The following TRIM24 variants were observed in gnomAD, a reference collection of about 807,000 sequenced individuals.
TRIM24 encodes the protein tripartite motif containing 24.
In TRIM24, 29 loss-of-function variants were observed where a neutral mutation model predicts 123.9. The ratio of observed to expected loss-of-function variants is 0.23; its 90% CI spans 0.17 to 0.32. The LOEUF is 0.32. Ranked by LOEUF, TRIM24 falls within the 10% of genes least tolerant of loss-of-function variation. TRIM24 has a pLI of 1.00. For synonymous variants in TRIM24, 456 were observed against 461.1 expected (o/e 0.99, Z 0.14); for missense variants, 932 against 1,295.3 (o/e 0.72, Z 4.31).
chr7:138,479,715 T>G (rs1257612043), intron 1 of TRIM24, among the ~76,000 whole-genome samples: 1 of 151,048 alleles, frequency 6.6e-6, no homozygotes, highest in Non-Finnish European at 1.5e-5. Context: ...TCCATGTTGG[T>G]CAGGCTGGTC....
intron 1 of TRIM24, among the ~76,000 whole-genome samples, chr7:138,474,517 G>T (rs868104862): frequency 6.6e-5 from 10 of 152,068 alleles, no homozygotes; most frequent in African/African-American, 9.7e-5. Context: ...ATTCTTTTGT[G>T]CCATATTTAA....
intron 8 of TRIM24, among the ~76,000 whole-genome samples, chr7:138,552,271 A>G (rs1012001711): frequency 2.6e-5 from 4 of 152,212 alleles, no homozygotes; most frequent in Non-Finnish European, 5.9e-5. Context: ...TGACACATTT[A>G]TCAGAACATA....
At chr7:138,577,341 G>A in intron 13 of TRIM24, 79 bp from the exon 14 acceptor site, 1 of 1,178,418 alleles carries the variant, frequency 8.5e-7, no homozygotes, top group Non-Finnish European at 1.2e-6. Flanking sequence ...CAGTATTTTA[G>A]AAAGTTGTTG....
intron 6 of TRIM24, among the ~76,000 whole-genome samples, chr7:138,537,265 C>T (rs1796900640): frequency 1.3e-5 from 2 of 151,950 alleles, no homozygotes; most frequent in Admixed American, 1.3e-4. Flanking sequence ...GAACCCGGTA[C>T]CTCAGTTGGA....
chr7:138,529,071 T>C, intron 5 of TRIM24, 45 bp from the exon 6 acceptor site: 1 of 1,212,152 alleles, frequency 8.2e-7, no homozygotes, highest in Non-Finnish European at 1.1e-6. Context: ...TTTTAAATAT[T>C]ATACAAAAAA....
intron 4 of TRIM24, 150 bp from the exon 5 acceptor site, chr7:138,525,091 A>C: frequency 2.6e-6 from 1 of 388,796 alleles, no homozygotes; most frequent in Admixed American, 4.7e-5. Context: ...AGGTGAGGGA[A>C]ACTTGCCTTA....
intron 7 of TRIM24, among the ~76,000 whole-genome samples, chr7:138,539,445 T>C (rs1406150614): frequency 6.6e-6 from 1 of 152,160 alleles, no homozygotes; most frequent in Non-Finnish European, 1.5e-5. Context: ...TCAGGAGATC[T>C]GGGGTGGGGC....
chr7:138,518,028 C>T (rs1294296914), intron 3 of TRIM24, among the ~76,000 whole-genome samples: 2 of 152,052 alleles, frequency 1.3e-5, no homozygotes, highest in African/African-American at 2.4e-5. Context: ...AATTCCACCA[C>T]GAGGAATTTA....
intron 1 of TRIM24, among the ~76,000 whole-genome samples, 157 bp from the exon 2 acceptor site, chr7:138,504,133 T>C (rs118129921): frequency 0.038 from 5,812 of 152,306 alleles, 151 homozygotes; most frequent in Middle Eastern, 0.088. Context: ...ATAGATAAAA[T>C]TAGTATATTT....
chr7:138,515,892 C>T (rs1427244480), intron 3 of TRIM24, among the ~76,000 whole-genome samples: 1 of 152,182 alleles, frequency 6.6e-6, no homozygotes, highest in African/African-American at 2.4e-5. Flanking sequence ...ATTTTAACTA[C>T]TAAATGTACA....
chr7:138,567,399 TA>T, intron 9 of TRIM24, 81 bp from the exon 10 acceptor site: 1 of 1,344,752 alleles, frequency 7.4e-7, no homozygotes, highest in Non-Finnish European at 1.0e-6. Context: ...TATTTTTCTG[TA>T]AAAGTTTTAT....
At chr7:138,500,563 CAAAAAAAAA>C (rs773042715) in intron 1 of TRIM24, among the ~76,000 whole-genome samples, 6 of 61,436 alleles carry the variant, frequency 9.8e-5, no homozygotes, top group African/African-American at 1.7e-4. Context: ...GACCTTGTTT[CAAAAAAAAA>C]AAAAAAAAAA....
At position 138,555,482 on chromosome 7, in the gene TRIM24, AT is replaced by A. The variant is rs1203577540; in HGVS notation, c.1530+534del. ...CCGTTCTTATTTTTACTATAATCCAATTTTTTTTTTTTTTTTTTGAGATGGA... is the reference window on the plus strand; with the variant it reads ...CCGTTCTTATTTTTACTATAATCCAATTTTTTTTTTTTTTTTTGAGATGGA... On this transcript the variant is annotated intron_variant, in intron 9 of 18. Transcript: ENST00000343526. Among the ~76,000 whole-genome samples, 952 of 138,478 alleles carry A rather than the reference AT, an allele frequency of 6.9e-3. 5 individuals are homozygous for A. Among genetic ancestry groups the A allele is most frequent in the African/African-American group, 9.7e-3 (364 of 37,610 alleles). The allele number at this position is 138,478 out of a possible 152,430, so 90.8% of individuals were successfully genotyped here.
At position 138,586,049 on chromosome 7, in the gene TRIM24, A is replaced by G. The variant is rs1798013146; in HGVS notation, c.*1098A>G. On this transcript the variant is annotated 3_prime_UTR_variant, in exon 19 of 19. Coordinates refer to ENST00000343526, the MANE Select transcript of TRIM24 (RefSeq NM_015905.3). ...ATCTCATGTTTTTCTTTTGAGAGTC[A>G]GAACATCAAACTTAATCTTTGATCT... 9.3e-6 allele frequency: 4 copies of G among 428,836 alleles called. No homozygotes were observed. The highest frequency in any genetic ancestry group is 3.6e-5 in the South Asian group (2 of 55,180). 26.6% of individuals were successfully genotyped at this position (428,836 alleles called of 1,614,324 possible).
chr7:138,558,604 C>T (rs1584738088), intron 9 of TRIM24, among the ~76,000 whole-genome samples: 1 of 152,308 alleles, frequency 6.6e-6, no homozygotes, highest in East Asian at 1.9e-4. Flanking sequence ...TCAGGCAACT[C>T]CTGGTGGATG....
At chr7:138,519,812 C>T (rs375629042) in intron 4 of TRIM24, among the ~76,000 whole-genome samples, 9 of 152,132 alleles carry the variant, frequency 5.9e-5, no homozygotes, top group African/African-American at 2.2e-4. Flanking sequence ...TTCATGTCAA[C>T]ATTTGAGGCA....
intron 12 of TRIM24, among the ~76,000 whole-genome samples, chr7:138,575,427 G>A (rs966492621): frequency 6.6e-6 from 1 of 151,292 alleles, no homozygotes; most frequent in Non-Finnish European, 1.5e-5. Context: ...CCAGTAGTGG[G>A]GACTACAGGT....
intron 6 of TRIM24, among the ~76,000 whole-genome samples, chr7:138,538,175 GGTAA>G (rs1447269953): frequency 3.9e-5 from 6 of 152,074 alleles, no homozygotes; most frequent in African/African-American, 1.4e-4. Flanking sequence ...ACATACAAAG[GGTAA>G]GTGTCATCTA....
chr7:138,568,032 A>G (rs1479741251), intron 10 of TRIM24, among the ~76,000 whole-genome samples: 3 of 152,242 alleles, frequency 2.0e-5, no homozygotes, highest in Admixed American at 6.5e-5. Flanking sequence ...AAACAAAATT[A>G]TGGCACAGTT....
Sources: gnomAD v4.1 joint callset for allele counts (sites outside exome capture counted in the v4.1 genomes callset) on GRCh38, gnomAD v4.1.1 for gene constraint, MANE v1.5 for transcripts, NCBI Gene and HGNC (gene_info 2026-07-23, HGNC 2026-07-21) for gene names.